TPO: variants seen among roughly 807,000 people sequenced by gnomAD.
TPO encodes thyroid peroxidase.
A neutral mutation model predicts 96.9 loss-of-function variants in TPO; 78 were observed. The observed-to-expected ratio is 0.81, with a 90% CI of 0.67 to 0.97. The LOEUF is 0.97. Among genes scored for constraint, TPO ranks in the 50% least tolerant of loss-of-function variants. The pLI is 0.00. For missense variants in TPO, 1,252 were observed against 1,274.8 expected, an observed-to-expected ratio of 0.98 and a Z score of 0.27; for synonymous variants, 547 against 538.0, an observed-to-expected ratio of 1.02 and a Z score of -0.23.
chr2:1,481,578 A>C (rs1670645029), intron 8 of TPO, among the ~76,000 whole-genome samples: 1 of 152,120 alleles, frequency 6.6e-6, no homozygotes, highest in African/African-American at 2.4e-5. Context: ...CATCCCGGGC[A>C]GGCAGATCCA....
intron 15 of TPO, among the ~76,000 whole-genome samples, chr2:1,525,982 G>A (rs77273039): frequency 0.017 from 1,437 of 87,088 alleles, 37 homozygotes; most frequent in East Asian, 0.12. Flanking sequence ...TCCCCACTGT[G>A]AGCAACCTCC....
At chr2:1,431,158 A>G (rs1460938488) in intron 3 of TPO, among the ~76,000 whole-genome samples, 2 of 151,804 alleles carry the variant, frequency 1.3e-5, no homozygotes, top group African/African-American at 4.9e-5. Context: ...TTGGATCACA[A>G]GGGCAAATCC....
intron 15 of TPO, among the ~76,000 whole-genome samples, chr2:1,534,792 G>A (rs79373930): frequency 8.4e-6 from 1 of 118,568 alleles, no homozygotes; most frequent in Non-Finnish European, 1.8e-5. Context: ...CCCCACTGTG[G>A]GTAACCTCCC....
intron 3 of TPO, among the ~76,000 whole-genome samples, chr2:1,428,949 G>A (rs1389983357): frequency 6.6e-6 from 1 of 152,108 alleles, no homozygotes; most frequent in East Asian, 1.9e-4. Flanking sequence ...ACTATGGCTG[G>A]CTAATGTGTT....
chr2:1,537,208 C>A (rs1368654623), intron 15 of TPO, among the ~76,000 whole-genome samples: 1 of 110,906 alleles, frequency 9.0e-6, no homozygotes, highest in South Asian at 3.2e-4. Flanking sequence ...AATCCCCCCA[C>A]TGTGTGCCAC....
rs192442410 is a variant in TPO, at chr2:1,456,137, G to A, written c.674G>A (p.Arg225His). 917 of 1,614,042 alleles carry A rather than the reference G, an allele frequency of 5.7e-4. No homozygotes were observed. The highest frequency in any genetic ancestry group is 5.0e-4 in the Non-Finnish European group (593 of 1,180,026). Residue 225 changes from arginine (R) to histidine (H), a missense_variant, in exon 7 of 17, where the codon CGC becomes CAC. Transcript: ENST00000329066. ...VSNEVVTDDD[R>H]YSDLLMAWGQ... ...AATGAGGTTGTCACAGATGATGACC[G>A]CTATTCTGACCTCCTGATGGCATGG...
chr2:1,541,076 T>G, intron 16 of TPO: 1 of 1,231,242 alleles, frequency 8.1e-7, no homozygotes. Context: ...GATTTTTAAG[T>G]GGAATAGTTA....
rs60191548 is a variant in TPO at position 1,468,015 on chromosome 2, G to A, written c.820-9071G>A. 3.8e-3 allele frequency among the ~76,000 whole-genome samples: 579 copies of A among 151,174 alleles called. 7 individuals are homozygous for A. The highest frequency in any genetic ancestry group is 0.014 in the African/African-American group (557 of 41,160). ...TGATATAAGAATAGCTACACTGCTC[G>A]CTTTTGGTGTCCATTTGCATGGAAT... On this transcript the variant is annotated intron_variant, in intron 7 of 16. Transcript: ENST00000329066.
At position 1,422,358 on chromosome 2, in the gene TPO, C is replaced by CGCCTCTCCTGGGCAGACCTCGTGCAGGT. The variant is rs1558264430; in HGVS notation, c.95-684_95-683insTCTCCTGGGCAGACCTCGTGCAGGTGCC. ...CTCTCCTGGACCGACCTCGTGCAGG[C>CGCCTCTCCTGGGCAGACCTCGTGCAGGT]GCCGCGCTGGACCGACCTCGTGCAG... On this transcript the variant is annotated intron_variant, in intron 2 of 16. Transcript: ENST00000329066. Among the ~76,000 whole-genome samples, 373 of 106,100 alleles carry CGCCTCTCCTGGGCAGACCTCGTGCAGGT rather than the reference C, an allele frequency of 3.5e-3. 8 individuals carry two copies. Among genetic ancestry groups the CGCCTCTCCTGGGCAGACCTCGTGCAGGT allele is most frequent in the African/African-American group, 0.012 (332 of 26,840 alleles). 69.6% of individuals were successfully genotyped at this position (106,100 alleles called of 152,430 possible).
At chr2:1,489,435 G>A (rs1437674052) in intron 10 of TPO, among the ~76,000 whole-genome samples, 2 of 152,208 alleles carry the variant, frequency 1.3e-5, no homozygotes, top group Non-Finnish European at 2.9e-5. Context: ...GTGCCACAGA[G>A]TGGGGGACCC....
At chr2:1,408,218 C>T (rs917312298) in intron 1 of TPO, among the ~76,000 whole-genome samples, 7 of 152,140 alleles carry the variant, frequency 4.6e-5, no homozygotes, top group African/African-American at 1.7e-4. Context: ...GTGAGTTGAG[C>T]GGATAGCTGA....
At chr2:1,433,416 A>G in intron 3 of TPO, 22 bp from the exon 4 acceptor site, 3 of 1,613,528 alleles carry the variant, frequency 1.9e-6, no homozygotes, top group Non-Finnish European at 2.5e-6. Context: ...AATCTATTTT[A>G]TATCTTCTTT....
chr2:1,464,671 T>A (rs1668738864), intron 7 of TPO, among the ~76,000 whole-genome samples: 1 of 152,098 alleles, frequency 6.6e-6, no homozygotes, highest in Non-Finnish European at 1.5e-5. Context: ...CATTTTTTCA[T>A]ATGTTTGTTG....
chr2:1,536,624 T>C (rs1207097869), intron 15 of TPO, among the ~76,000 whole-genome samples: 2 of 47,514 alleles, frequency 4.2e-5, no homozygotes, highest in Non-Finnish European at 3.8e-5. Flanking sequence ...CCCCTAGCTT[T>C]GTGAAACCTC....
chr2:1,455,596 C>T (rs528256569), intron 6 of TPO, among the ~76,000 whole-genome samples: 2 of 152,222 alleles, frequency 1.3e-5, no homozygotes, highest in South Asian at 4.2e-4. Flanking sequence ...CAGATGTCTG[C>T]GTGGAGAATG....
intron 2 of TPO, 77 bp downstream of exon 2, chr2:1,414,579 G>A (rs1194476538): frequency 7.2e-7 from 1 of 1,391,062 alleles, no homozygotes; most frequent in African/African-American, 1.4e-5. Context: ...GGGCATAATG[G>A]TAGCTCCTGA....
intron 15 of TPO, among the ~76,000 whole-genome samples, chr2:1,535,851 C>T (rs112004000): frequency 0.21 from 14,341 of 68,078 alleles, 3,428 homozygotes; most frequent in African/African-American, 0.28. Context: ...TGTGCAACCT[C>T]CCCGAATCCC....
At chr2:1,501,803 CT>C (rs1423614072) in intron 13 of TPO, among the ~76,000 whole-genome samples, 1 of 152,150 alleles carries the variant, frequency 6.6e-6, no homozygotes, top group East Asian at 1.9e-4. Flanking sequence ...TCCCGAGAGC[CT>C]GCTGAAGGAG....
At chr2:1,415,926 TA>T (rs773684742) in intron 2 of TPO, among the ~76,000 whole-genome samples, 18 of 152,050 alleles carry the variant, frequency 1.2e-4, no homozygotes, top group South Asian at 2.1e-4. Context: ...GTAGGCTCCT[TA>T]AAAAAACTCT....
Sources: gnomAD v4.1 joint callset for allele counts (sites outside exome capture counted in the v4.1 genomes callset) on GRCh38, gnomAD v4.1.1 for gene constraint, MANE v1.5 for transcripts, NCBI Gene and HGNC (gene_info 2026-07-23, HGNC 2026-07-21) for gene names.